The following HECW2 variants were observed in gnomAD, a reference collection of about 807,000 sequenced individuals.
HECW2 encodes the protein HECT, C2 and WW domain containing E3 ubiquitin protein ligase 2, also known as E3 ubiquitin-protein ligase HECW2.
Under a neutral mutation model 175.2 loss-of-function variants are expected in HECW2, and 61 were observed. The ratio of observed to expected loss-of-function variants is 0.35; its 90% CI spans 0.28 to 0.43. The LOEUF (loss-of-function observed/expected upper bound fraction) is 0.43, where lower values mean the gene tolerates loss of function less well. HECW2 is among the 20% of genes least tolerant of loss of function. The probability of loss-of-function intolerance (pLI) is 1.00; values close to 1 mark genes in which losing one functional copy is unlikely to be tolerated. For synonymous variants in HECW2, 671 were observed against 731.0 expected, an observed-to-expected ratio of 0.92 and a Z score of 1.32; for missense variants, 1,524 against 2,000.5, an observed-to-expected ratio of 0.76 and a Z score of 4.54.
intron 1 of HECW2, among the ~76,000 whole-genome samples, chr2:196,558,946 G>A (rs1164561396): frequency 6.6e-6 from 1 of 152,132 alleles, no homozygotes; most frequent in Non-Finnish European, 1.5e-5. Flanking sequence ...CATTCAATGG[G>A]CACCTACTCT....
At chr2:196,455,879 T>C (rs368392048) in intron 1 of HECW2, among the ~76,000 whole-genome samples, 1 of 147,948 alleles carries the variant, frequency 6.8e-6, no homozygotes, top group East Asian at 1.9e-4. Context: ...ATATATGATA[T>C]AAATAACAGA....
chr2:196,222,775 CT>C (rs1305062659), intron 23 of HECW2, among the ~76,000 whole-genome samples: 5 of 151,690 alleles, frequency 3.3e-5, no homozygotes, highest in Admixed American at 1.3e-4. Flanking sequence ...TATATTTTAA[CT>C]TTTTTTAATT....
chr2:196,529,883 C>G (rs1019005062), intron 1 of HECW2, among the ~76,000 whole-genome samples: 2 of 152,208 alleles, frequency 1.3e-5, no homozygotes, highest in African/African-American at 4.8e-5. Context: ...CTAACTAATA[C>G]AGTTATTAGC....
chr2:196,426,781 T>A (rs1426361963), intron 2 of HECW2, among the ~76,000 whole-genome samples: 1 of 152,150 alleles, frequency 6.6e-6, no homozygotes, highest in African/African-American at 2.4e-5. Context: ...TAGGGTATCA[T>A]CATTCTAGAC....
chr2:196,201,525 C>T (rs939638613), intron 28 of HECW2, 137 bp from the exon 29 acceptor site: 1 of 503,994 alleles, frequency 2.0e-6, no homozygotes, highest in East Asian at 3.0e-5. Context: ...AATTTTCACA[C>T]TCCTTTTGAA....
At chr2:196,232,129 C>G (rs555742294) in intron 21 of HECW2, among the ~76,000 whole-genome samples, 122 of 152,280 alleles carry the variant, frequency 8.0e-4, no homozygotes, top group African/African-American at 2.8e-3. Context: ...CACAATAGAG[C>G]ATACAATGGA....
chr2:196,436,388 G>A (rs1352700246), intron 1 of HECW2, among the ~76,000 whole-genome samples: 2 of 130,206 alleles, frequency 1.5e-5, no homozygotes, highest in East Asian at 2.2e-4. Flanking sequence ...GCGACAGAGC[G>A]AGACTCCATC....
intron 2 of HECW2, among the ~76,000 whole-genome samples, chr2:196,378,141 T>A (rs1434461495): frequency 6.6e-6 from 1 of 152,170 alleles, no homozygotes; most frequent in Non-Finnish European, 1.5e-5. Context: ...AAACCCAAGC[T>A]CAGAAGTCAG....
chr2:196,225,971 T>C, intron 22 of HECW2, 101 bp from the exon 23 acceptor site: 1 of 711,328 alleles, frequency 1.4e-6, no homozygotes, highest in South Asian at 1.6e-5. Context: ...CATCTAAATT[T>C]TTCCAATATT....
chr2:196,391,422 C>T (rs1455343696), intron 2 of HECW2, among the ~76,000 whole-genome samples: 2 of 152,164 alleles, frequency 1.3e-5, no homozygotes, highest in Admixed American at 6.5e-5. Context: ...CCCTGACTGA[C>T]ATAACAATCA....
chr2:196,536,124 A>G (rs1689012664), intron 1 of HECW2, among the ~76,000 whole-genome samples: 1 of 152,130 alleles, frequency 6.6e-6, no homozygotes. Context: ...GAAAATAAAT[A>G]CCAATTTTTC....
chr2:196,589,526 C>G (rs535660323), intron 1 of HECW2, among the ~76,000 whole-genome samples: 1 of 152,204 alleles, frequency 6.6e-6, no homozygotes, highest in Non-Finnish European at 1.5e-5. Flanking sequence ...TGCGACCCCT[C>G]TGTATGAAAA....
chr2:196,525,675 G>A (rs1446774466), intron 1 of HECW2, among the ~76,000 whole-genome samples: 1 of 150,276 alleles, frequency 6.7e-6, no homozygotes, highest in Non-Finnish European at 1.5e-5. Context: ...CAGGCCTGGT[G>A]GTGACAAAAT....
chr2:196,503,009 G>A (rs1250949996), intron 1 of HECW2, among the ~76,000 whole-genome samples: 3 of 152,158 alleles, frequency 2.0e-5, no homozygotes, highest in Non-Finnish European at 2.9e-5. Context: ...CAGAATGCAG[G>A]AGTGTTGGAG....
intron 18 of HECW2, among the ~76,000 whole-genome samples, chr2:196,256,085 A>G (rs1689045130): frequency 6.6e-6 from 1 of 152,184 alleles, no homozygotes; most frequent in African/African-American, 2.4e-5. Context: ...AAATAAATAA[A>G]TAAATAATTG....
At chr2:196,479,593 T>C (rs1042492698) in intron 1 of HECW2, among the ~76,000 whole-genome samples, 1 of 152,228 alleles carries the variant, frequency 6.6e-6, no homozygotes. Flanking sequence ...TTCTGTCTCA[T>C]TGGCTGAGTC....
At position 196,321,544 on chromosome 2, in the gene HECW2, C is replaced by T. The variant is rs10211295; in HGVS notation, c.884+934G>A. Among the ~76,000 whole-genome samples, 1,436 of 151,954 alleles carry T rather than the reference C, an allele frequency of 9.5e-3. 30 individuals are homozygous for T. The highest frequency in any genetic ancestry group is 0.032 in the African/African-American group (1,324 of 41,418). Reference sequence around the variant, plus strand: ...TCCCAAGTAGCTGGGATTATAGGTGCCCGCCACCACACTCAGCTAATTTTT... The same window carrying T: ...TCCCAAGTAGCTGGGATTATAGGTGTCCGCCACCACACTCAGCTAATTTTT... On this transcript the variant is annotated intron_variant, in intron 7 of 28. Coordinates refer to ENST00000644978, the MANE Select transcript of HECW2 (RefSeq NM_001348768.2).
At chr2:196,572,874 G>T (rs1288119392) in intron 1 of HECW2, among the ~76,000 whole-genome samples, 4 of 152,134 alleles carry the variant, frequency 2.6e-5, no homozygotes, top group Non-Finnish European at 4.4e-5. Flanking sequence ...CTCTGATCTT[G>T]GTTGTCCAAC....
intron 17 of HECW2, among the ~76,000 whole-genome samples, chr2:196,265,782 G>A (rs1209086308): frequency 4.6e-5 from 7 of 152,166 alleles, no homozygotes; most frequent in African/African-American, 1.7e-4. Context: ...GATGCTGGAA[G>A]TTAGAAATTC....
Sources: allele counts gnomAD v4.1 joint callset (sites outside exome capture counted in the v4.1 genomes callset), GRCh38; gene constraint gnomAD v4.1.1; transcripts MANE v1.5; gene names NCBI Gene and HGNC (gene_info 2026-07-23, HGNC 2026-07-21).